POMT2: variants seen among roughly 807,000 people sequenced by gnomAD.
POMT2 encodes the protein protein O-mannosyltransferase 2.
Under a neutral mutation model 100.0 loss-of-function variants are expected in POMT2, and 75 were observed. The observed-to-expected ratio is 0.75, with a 90% confidence interval of 0.62 to 0.91. POMT2 has a LOEUF of 0.91. Among genes scored for constraint, POMT2 ranks in the 40% least tolerant of loss-of-function variants. The probability of loss-of-function intolerance (pLI) is 0.00; values close to 1 mark genes in which losing one functional copy is unlikely to be tolerated. For synonymous variants in POMT2, 378 were observed against 374.1 expected, an observed-to-expected ratio of 1.01 and a Z score of -0.12; for missense variants, 940 against 955.1, an observed-to-expected ratio of 0.98 and a Z score of 0.21.
At chr14:77,285,109 T>G in intron 13 of POMT2, 68 bp from the exon 14 acceptor site, 9 of 1,318,780 alleles carry the variant, frequency 6.8e-6, no homozygotes, top group South Asian at 1.2e-5. Context: ...GACACTGTCT[T>G]CTGCTCTTAA....
At chr14:77,283,658 A>G in intron 15 of POMT2, 139 bp downstream of exon 15, 1 of 812,498 alleles carries the variant, frequency 1.2e-6, no homozygotes. Flanking sequence ...TTTGAGGATC[A>G]CAGAAAACCG....
At chr14:77,298,232 G>A (rs1207005721) in intron 8 of POMT2, among the ~76,000 whole-genome samples, 1 of 152,206 alleles carries the variant, frequency 6.6e-6, no homozygotes, top group East Asian at 1.9e-4. Context: ...AATCCCCAGA[G>A]CTGTGCTCCC....
Position 77,320,878 on chromosome 14 carries a change from A to G in POMT2, c.-197T>C. On this transcript the variant is annotated 5_prime_UTR_variant, in exon 1 of 21. Coordinates refer to ENST00000261534, the MANE Select transcript of POMT2 (RefSeq NM_013382.7). ...GCCCGGGCCGCTAGGAGGCGGCAGG[A>G]GGCGCAGAGCATGTCGGGACCGGGA... 1 of 953,434 alleles carries G rather than the reference A, an allele frequency of 1.0e-6. No homozygotes were observed. The highest frequency in any genetic ancestry group is 1.4e-6 in the Non-Finnish European group (1 of 734,706). The allele number at this position is 953,434 out of a possible 1,614,324, so 59.1% of individuals were successfully genotyped here. A position where few individuals can be genotyped will look rare whatever the true frequency, so the allele number is the denominator to read the frequency against.
intron 1 of POMT2, among the ~76,000 whole-genome samples, chr14:77,315,283 C>T (rs565231775): frequency 2.4e-4 from 36 of 152,308 alleles, no homozygotes; most frequent in Admixed American, 1.5e-3. Context: ...GGTCGTGATG[C>T]AAGCCTAGTG....
intron 8 of POMT2, 152 bp from the exon 9 acceptor site, chr14:77,296,425 T>C (rs1157395206): frequency 7.8e-6 from 5 of 641,642 alleles, no homozygotes; most frequent in African/African-American, 1.8e-5. Context: ...CTCACTCCCA[T>C]GGAGCCGACT....
intron 1 of POMT2, among the ~76,000 whole-genome samples, chr14:77,313,802 G>A (rs1204700339): frequency 6.6e-6 from 1 of 152,098 alleles, no homozygotes; most frequent in Non-Finnish European, 1.5e-5. Context: ...TCACCTCCCG[G>A]GTTCAAGCGA....
chr14:77,281,604 C>G (rs1377615195), intron 15 of POMT2, among the ~76,000 whole-genome samples: 1 of 152,168 alleles, frequency 6.6e-6, no homozygotes, highest in Non-Finnish European at 1.5e-5. Context: ...CTGGGACAGA[C>G]TGAAAAGGCA....
intron 11 of POMT2, among the ~76,000 whole-genome samples, chr14:77,288,137 A>T (rs1260951219): frequency 6.6e-6 from 1 of 152,220 alleles, no homozygotes; most frequent in Non-Finnish European, 1.5e-5. Flanking sequence ...AAAAGTCAAG[A>T]TTGTGGGATC....
chr14:77,296,524 C>T, intron 8 of POMT2: 1 of 540,210 alleles, frequency 1.9e-6, no homozygotes, highest in South Asian at 2.2e-5. Context: ...ATTATCAAAG[C>T]ACTACGTGTA....
chr14:77,296,337 G>A lies in POMT2; in HGVS notation c.1007-64C>T, dbSNP rs1050453059. The A allele has an allele frequency of 1.4e-4, 166 of 1,188,410 alleles. 1 individual carries two copies. Among genetic ancestry groups the A allele is most frequent in the South Asian group, 1.2e-3 (91 of 76,858 alleles). The allele number at this position is 1,188,410 out of a possible 1,614,324, so 73.6% of individuals were successfully genotyped here. A position where few individuals can be genotyped will look rare whatever the true frequency, so the allele number is the denominator to read the frequency against. On this transcript the variant is annotated intron_variant, in intron 8 of 20. Coordinates refer to ENST00000261534, the MANE Select transcript of POMT2 (RefSeq NM_013382.7). Reference sequence around the variant, plus strand: ...AGTGCCAGAGGCTGTCCGTGCCTGCGAGGAGCCTCGGAAGCCACAGGGCTC... The same window carrying A: ...AGTGCCAGAGGCTGTCCGTGCCTGCAAGGAGCCTCGGAAGCCACAGGGCTC...
At chr14:77,307,858 CTTTTTT>C (rs57755259) in intron 2 of POMT2, among the ~76,000 whole-genome samples, 8 of 101,228 alleles carry the variant, frequency 7.9e-5, no homozygotes, top group Admixed American at 5.4e-4. Context: ...TTAATTTCTT[CTTTTTT>C]TTTTTTTTTT....
At chr14:77,310,547 T>C (rs899254854) in intron 2 of POMT2, among the ~76,000 whole-genome samples, 7 of 152,200 alleles carry the variant, frequency 4.6e-5, no homozygotes. Flanking sequence ...CTACCTGTTC[T>C]ACCTCGCTTC....
intron 15 of POMT2, among the ~76,000 whole-genome samples, chr14:77,282,122 G>A (rs1890260300): frequency 6.6e-6 from 1 of 152,176 alleles, no homozygotes; most frequent in East Asian, 1.9e-4. Flanking sequence ...GTTGCTGAGG[G>A]AAACCAATTC....
chr14:77,284,086 AC>A, intron 14 of POMT2: 1 of 598,490 alleles, frequency 1.7e-6, no homozygotes, highest in Non-Finnish European at 3.0e-6. Flanking sequence ...AAGGAAATAG[AC>A]AACAAGGTTT....
In POMT2 at chr14:77,279,845, T is replaced by C; in HGVS notation, c.1869A>G (p.Ala623=). ...GACCTGCAACCTCCGCTGGCAGCCG[T>C]GCCCCTCTCTGCATGGCTACAGCAA... ...SIIAVAMQRG[A]RLPAEVAGLS... is the part of the protein sequence containing the mutation. The change falls in exon 18 of 21, where the codon GCA becomes GCG. Residue 623 remains alanine (A), a synonymous_variant. Transcript: ENST00000261534. 1 of 1,613,752 alleles carries C rather than the reference T, an allele frequency of 6.2e-7. No homozygotes were observed. Among genetic ancestry groups the C allele is most frequent in the Non-Finnish European group, 8.5e-7 (1 of 1,179,968 alleles).
In POMT2 at chr14:77,302,943, T is replaced by C. The variant is rs1891099770; in HGVS notation, c.548A>G (p.Asp183Gly). The change falls in exon 5 of 21, where the codon GAC (aspartate) becomes GGC (glycine). Residue 183 changes from aspartate (D) to glycine (G), a missense_variant and splice_region_variant. By Grantham distance (94) the Asp-to-Gly change is moderately conservative. Transcript: ENST00000261534. ...CTGGGACAGAGTGAGGCATCCCGTG[T>C]CTGAAAAACATGAGCTCGCTGGTGA... ...ALLTAALLTF[D>G]TGCLTLSQYI... The C allele has an allele frequency of 6.2e-7, 1 of 1,609,558 alleles. No individual in the cohort carries two copies. The highest frequency in any genetic ancestry group is 8.5e-7 in the Non-Finnish European group (1 of 1,176,478).
chr14:77,290,929 G>A (rs1890616120), intron 10 of POMT2, among the ~76,000 whole-genome samples: 1 of 152,220 alleles, frequency 6.6e-6, no homozygotes, highest in Non-Finnish European at 1.5e-5. Flanking sequence ...ATGCTAGAGT[G>A]TGCAATGTTT....
Position 77,302,958 on chromosome 14 carries a change from C to T in POMT2, c.548-15G>A. On this transcript the variant is annotated splice_polypyrimidine_tract_variant and intron_variant, in intron 4 of 20. Transcript: ENST00000261534. Reference sequence around the variant, plus strand: ...GCATCCCGTGTCTGAAAAACATGAGCTCGCTGGTGAAAAAGCGAGGTAAGA... The same window carrying T: ...GCATCCCGTGTCTGAAAAACATGAGTTCGCTGGTGAAAAAGCGAGGTAAGA... The T allele has an allele frequency of 6.3e-7, 1 of 1,594,906 alleles. No individual in the cohort carries two copies. The highest frequency in any genetic ancestry group is 1.3e-5 in the African/African-American group (1 of 74,624).
In POMT2 at chr14:77,320,815, G is replaced by A. The variant is rs1891870002; in HGVS notation, c.-134C>T. 2.2e-6 allele frequency: 3 copies of A among 1,384,770 alleles called. No homozygotes were observed. The highest frequency in any genetic ancestry group is 2.8e-6 in the Non-Finnish European group (3 of 1,077,136). 85.8% of individuals were successfully genotyped at this position (1,384,770 alleles called of 1,614,324 possible). A position where few individuals can be genotyped will look rare whatever the true frequency, so the allele number is the denominator to read the frequency against. On this transcript the variant is annotated 5_prime_UTR_variant, in exon 1 of 21. Transcript: ENST00000261534. ...CGCCCTTCACTGCAGCGGAGCGCGGGGCCCCGGGCTCGGGGCGGGGCGGGC... is the reference window on the plus strand; with the variant it reads ...CGCCCTTCACTGCAGCGGAGCGCGGAGCCCCGGGCTCGGGGCGGGGCGGGC...
Sources: allele counts gnomAD v4.1 joint callset (sites outside exome capture counted in the v4.1 genomes callset), GRCh38; gene constraint gnomAD v4.1.1; transcripts MANE v1.5; gene names NCBI Gene and HGNC (gene_info 2026-07-23, HGNC 2026-07-21).